The following TRIM69 variants were observed in gnomAD, a reference collection of about 807,000 sequenced individuals.
TRIM69 encodes E3 ubiquitin-protein ligase TRIM69.
TRIM69 carries 29 observed loss-of-function variants against 37.7 expected under a neutral mutation model. The ratio of observed to expected loss-of-function variants is 0.77; its 90% CI spans 0.57 to 1.05. The LOEUF (loss-of-function observed/expected upper bound fraction) is 1.05. Ranked by LOEUF, TRIM69 falls within the 50% of genes least tolerant of loss-of-function variation. TRIM69 has a pLI of 0.00. For synonymous variants in TRIM69, 209 were observed against 212.4 expected, an observed-to-expected ratio of 0.98 and a Z score of 0.14; for missense variants, 596 against 579.9, an observed-to-expected ratio of 1.03 and a Z score of -0.28.
intron 6 of TRIM69, among the ~76,000 whole-genome samples, 174 bp from the exon 7 acceptor site, chr15:44,767,057 A>AAAAAAAAAAC (rs2087906536): frequency 8.9e-6 from 1 of 112,602 alleles, no homozygotes; most frequent in Non-Finnish European, 1.8e-5. Context: ...CTGCCTCAAA[A>AAAAAAAAAAC]AAAAAAAAAA....
chr15:44,766,532 T>A (rs2087890853), intron 6 of TRIM69, among the ~76,000 whole-genome samples: 1 of 152,126 alleles, frequency 6.6e-6, no homozygotes, highest in Admixed American at 6.5e-5. Flanking sequence ...CCTAAATACA[T>A]CTCATGTATA....
chr15:44,739,703 G>A (rs1441640120), intron 1 of TRIM69, among the ~76,000 whole-genome samples: 1 of 152,088 alleles, frequency 6.6e-6, no homozygotes, highest in Non-Finnish European at 1.5e-5. Context: ...GCCCAGGCTT[G>A]CTTAGGTAAA....
At chr15:44,749,476 C>T (rs1344740754) in intron 1 of TRIM69, among the ~76,000 whole-genome samples, 1 of 152,138 alleles carries the variant, frequency 6.6e-6, no homozygotes, top group Non-Finnish European at 1.5e-5. Flanking sequence ...TAAATGGAAT[C>T]GTGTAATATG....
At chr15:44,743,061 A>T (rs2087326334) in intron 1 of TRIM69, among the ~76,000 whole-genome samples, 1 of 152,154 alleles carries the variant, frequency 6.6e-6, no homozygotes, top group Admixed American at 6.5e-5. Flanking sequence ...CTGACTTCAA[A>T]CTATACTACA....
chr15:44,761,218 G>T (rs764597324), intron 6 of TRIM69, among the ~76,000 whole-genome samples: 2 of 152,068 alleles, frequency 1.3e-5, no homozygotes, highest in South Asian at 4.2e-4. Flanking sequence ...GCGCCAGGCC[G>T]CATAATGCTT....
At position 44,742,517 on chromosome 15, in the gene TRIM69, G is replaced by A. The variant is rs1184800731; in HGVS notation, c.6+5807G>A. On this transcript the variant is annotated intron_variant, in intron 1 of 6. Transcript: ENST00000329464. ...AAAGGGTATTCAATTAGGAAAAGAG[G>A]AAGTCAAATTGTCCCTGTTTGCAGA... 8.3e-4 allele frequency among the ~76,000 whole-genome samples: 89 copies of A among 107,688 alleles called. 1 individual carries two copies. Among genetic ancestry groups the A allele is most frequent in the African/African-American group, 2.8e-3 (85 of 30,532 alleles). 70.6% of individuals were successfully genotyped at this position (107,688 alleles called of 152,430 possible).
At chr15:44,765,738 A>C (rs1382105624) in intron 6 of TRIM69, among the ~76,000 whole-genome samples, 2 of 149,534 alleles carry the variant, frequency 1.3e-5, no homozygotes, top group Non-Finnish European at 3.0e-5. Context: ...TGGGGGACAG[A>C]GCAAGAATCT....
rs3100141 is a variant in TRIM69, at chr15:44,763,934, T to A, written c.962-3297T>A. On this transcript the variant is annotated intron_variant, in intron 6 of 6. Transcript: ENST00000329464. ...TATTACGACATTTTTCCATTCTGGT[T>A]GGCAAGATTGAAAATTATTCCCAGC... is the stretch of plus-strand genomic sequence containing the variant. 3.9e-5 allele frequency among the ~76,000 whole-genome samples: 6 copies of A among 152,224 alleles called. No homozygotes were observed. The East Asian group carries it at 1.2e-3, about 29-fold the overall frequency.
At chr15:44,762,740 A>T (rs2087803315) in intron 6 of TRIM69, among the ~76,000 whole-genome samples, 1 of 151,964 alleles carries the variant, frequency 6.6e-6, no homozygotes, top group African/African-American at 2.4e-5. Context: ...CACCATGTTC[A>T]TGCCTTCCTC....
chr15:44,760,322 A>T (rs1190233617), intron 6 of TRIM69, among the ~76,000 whole-genome samples: 1 of 152,218 alleles, frequency 6.6e-6, no homozygotes, highest in African/African-American at 2.4e-5. Flanking sequence ...GCTTCAGAAG[A>T]AAACCAATAA....
chr15:44,759,176 T>A (rs1461443107), intron 4 of TRIM69, among the ~76,000 whole-genome samples: 2 of 152,212 alleles, frequency 1.3e-5, no homozygotes, highest in Non-Finnish European at 2.9e-5. Context: ...CAGCCTGAGT[T>A]GTATCTTTGG....
At chr15:44,739,416 C>T (rs1456240738) in intron 1 of TRIM69, among the ~76,000 whole-genome samples, 2 of 152,238 alleles carry the variant, frequency 1.3e-5, no homozygotes, top group African/African-American at 4.8e-5. Flanking sequence ...TGAGCCGAAG[C>T]AGGGCGAGGC....
Position 44,736,724 on chromosome 15 carries a change from T to TG in TRIM69, c.6+14_6+15insG. 1 of 1,609,218 alleles carries TG rather than the reference T, an allele frequency of 6.2e-7. No homozygotes were observed. Among genetic ancestry groups the TG allele is most frequent in the Non-Finnish European group, 8.5e-7 (1 of 1,177,242 alleles). Reference sequence around the variant, plus strand: ...AGCTTCATGGAGGTGAGTGACCCTTTTTTTTTTTAACTTAGCAGGGCTTCT... The same window carrying TG: ...AGCTTCATGGAGGTGAGTGACCCTTTGTTTTTTTTAACTTAGCAGGGCTTCT... On this transcript the variant is annotated intron_variant, in intron 1 of 6. Coordinates refer to ENST00000329464, the MANE Select transcript of TRIM69 (RefSeq NM_182985.5).
At chr15:44,763,547 T>A (rs75867084) in intron 6 of TRIM69, among the ~76,000 whole-genome samples, 8,592 of 152,264 alleles carry the variant, frequency 0.056, 281 homozygotes, top group South Asian at 0.094. Context: ...AGGGGATAGT[T>A]ATGCTCCCTC....
Position 44,758,849 on chromosome 15 carries a change from CT to C in TRIM69, c.809del (p.Leu270ProfsTer15), listed in dbSNP as rs2087711275. The C allele has an allele frequency of 6.2e-7, 1 of 1,611,594 alleles. No individual in the cohort carries two copies. The highest frequency in any genetic ancestry group is 1.1e-5 in the South Asian group (1 of 90,546). ...GGAACAACAGAACTCCTTCGACTTT[CT>C]CAAAGTGAGAATCCACACCAATATG... Reference protein sequence around the residue: ...KTEQQNSFDFLKDITTLLHSL... With the variant: ...KTEQQNSFDFXKDITTLLHSL... On this transcript the variant is annotated frameshift_variant, in exon 4 of 7. Transcript: ENST00000329464. LOFTEE classifies it high-confidence loss of function.
chr15:44,756,506 C>T lies in TRIM69; in HGVS notation c.579+43C>T, dbSNP rs1426700042. The T allele has an allele frequency of 4.5e-6, 6 of 1,344,120 alleles. No individual in the cohort carries two copies. In the African/African-American group the frequency reaches 7.3e-5, roughly 16 times the overall value. The allele number at this position is 1,344,120 out of a possible 1,614,324, so 83.3% of individuals were successfully genotyped here. A position where few individuals can be genotyped will look rare whatever the true frequency, so the allele number is the denominator to read the frequency against. On this transcript the variant is annotated intron_variant, in intron 3 of 6. Transcript: ENST00000329464. ...GGGGTTATGAGATAGAACTGGAACA[C>T]ACCCTCCATGTAACTTCAGCTATGG...
chr15:44,747,588 G>GA (rs2087436050), intron 1 of TRIM69, among the ~76,000 whole-genome samples: 1 of 152,104 alleles, frequency 6.6e-6, no homozygotes, highest in Admixed American at 6.6e-5. Flanking sequence ...TGTCTGATAG[G>GA]AATTTCAGAA....
intron 1 of TRIM69, among the ~76,000 whole-genome samples, chr15:44,740,273 G>T (rs530554364): frequency 9.2e-5 from 14 of 152,290 alleles, no homozygotes; most frequent in African/African-American, 3.4e-4. Context: ...AAACCGCAAA[G>T]ATGGGGAAAA....
At chr15:44,741,367 A>G (rs2141308210) in intron 1 of TRIM69, among the ~76,000 whole-genome samples, 1 of 152,192 alleles carries the variant, frequency 6.6e-6, no homozygotes, top group African/African-American at 2.4e-5. Context: ...GAAAGCAGGA[A>G]AGATCCGAAA....
Sources: gnomAD v4.1 joint callset for allele counts (sites outside exome capture counted in the v4.1 genomes callset) on GRCh38, gnomAD v4.1.1 for gene constraint, MANE v1.5 for transcripts, NCBI Gene and HGNC (gene_info 2026-07-23, HGNC 2026-07-21) for gene names.